RGS7: variants seen among roughly 807,000 people sequenced by gnomAD.
RGS7 encodes the protein regulator of G-protein signaling 7.
RGS7 carries 27 observed loss-of-function variants against 81.1 expected under a neutral mutation model. That is an observed-to-expected ratio of 0.33 (90% CI 0.25 to 0.46). RGS7 has a LOEUF of 0.46. Ranked by LOEUF, RGS7 falls within the 20% of genes least tolerant of loss-of-function variation. The probability of loss-of-function intolerance (pLI) is 1.00; values close to 1 mark genes in which losing one functional copy is unlikely to be tolerated. For missense variants in RGS7, 396 were observed against 607.4 expected (o/e 0.65, Z 3.66); for synonymous variants, 208 against 207.7 (o/e 1.00, Z -0.01).
intron 3 of RGS7, chr1:240,998,441 G>C (rs1472604620): frequency 1.3e-6 from 1 of 759,160 alleles, no homozygotes; most frequent in African/African-American, 1.8e-5. Flanking sequence ...CATTATAAAA[G>C]AGGTTTCGTC....
chr1:241,237,175 A>G (rs945380073), intron 2 of RGS7, among the ~76,000 whole-genome samples: 1 of 152,244 alleles, frequency 6.6e-6, no homozygotes, highest in Non-Finnish European at 1.5e-5. Context: ...ACTTTTTGCC[A>G]TATTACTAAA....
chr1:241,001,426 A>G (rs897091785), intron 3 of RGS7, among the ~76,000 whole-genome samples: 2 of 152,224 alleles, frequency 1.3e-5, no homozygotes, highest in African/African-American at 4.8e-5. Context: ...ATAGTAAAAT[A>G]GTAAGGCTTT....
At chr1:241,205,221 A>T (rs938681328) in intron 2 of RGS7, among the ~76,000 whole-genome samples, 2 of 149,624 alleles carry the variant, frequency 1.3e-5, no homozygotes, top group Non-Finnish European at 3.0e-5. Flanking sequence ...GAATTACACC[A>T]CTATGCACAC....
intron 2 of RGS7, among the ~76,000 whole-genome samples, chr1:241,235,938 C>A (rs369924258): frequency 6.4e-5 from 5 of 77,678 alleles, no homozygotes; most frequent in Non-Finnish European, 1.2e-4. Context: ...GAGAGAAAGA[C>A]AGACAGAGAC....
At chr1:241,272,637 A>G (rs925724369) in intron 2 of RGS7, among the ~76,000 whole-genome samples, 2 of 152,006 alleles carry the variant, frequency 1.3e-5, no homozygotes, top group Non-Finnish European at 2.9e-5. Flanking sequence ...ATCTCTCCAA[A>G]TATTTCTTTC....
chr1:241,142,692 G>C (rs962527224), intron 2 of RGS7, among the ~76,000 whole-genome samples: 2 of 152,172 alleles, frequency 1.3e-5, no homozygotes, highest in Non-Finnish European at 2.9e-5. Flanking sequence ...GATGGGAAGG[G>C]CTGCCGTGAA....
At chr1:240,903,344 A>C (rs545276908) in intron 6 of RGS7, among the ~76,000 whole-genome samples, 1 of 152,182 alleles carries the variant, frequency 6.6e-6, no homozygotes, top group Admixed American at 6.5e-5. Flanking sequence ...ATGAAGGAAC[A>C]GAATTTTTAA....
At chr1:241,132,816 G>A (rs1248486850) in intron 2 of RGS7, among the ~76,000 whole-genome samples, 1 of 152,178 alleles carries the variant, frequency 6.6e-6, no homozygotes, top group Non-Finnish European at 1.5e-5. Context: ...AGGCTGGAGT[G>A]CAGTGGCACA....
intron 2 of RGS7, among the ~76,000 whole-genome samples, chr1:241,330,001 G>A (rs993145413): frequency 4.6e-5 from 7 of 151,938 alleles, no homozygotes; most frequent in African/African-American, 1.2e-4. Context: ...AGTGGGTGGC[G>A]CAATCTTGGC....
chr1:240,973,598 CT>C (rs1683600678), intron 4 of RGS7, among the ~76,000 whole-genome samples: 5 of 151,714 alleles, frequency 3.3e-5, no homozygotes, highest in Admixed American at 3.3e-4. Context: ...CAGAGACATT[CT>C]TTTTTTTGGA....
At chr1:241,128,234 G>A (rs971627599) in intron 2 of RGS7, among the ~76,000 whole-genome samples, 8 of 148,442 alleles carry the variant, frequency 5.4e-5, no homozygotes, top group Non-Finnish European at 7.4e-5. Flanking sequence ...CCGAGATTGC[G>A]CCACTGCACT....
At chr1:241,078,136 G>A (rs1377324491) in intron 3 of RGS7, among the ~76,000 whole-genome samples, 1 of 148,854 alleles carries the variant, frequency 6.7e-6, no homozygotes, top group East Asian at 1.9e-4. Context: ...TGTTGTGTAT[G>A]CATCTATGGG....
intron 2 of RGS7, among the ~76,000 whole-genome samples, chr1:241,191,638 T>G (rs770600956): frequency 6.6e-6 from 1 of 152,234 alleles, no homozygotes; most frequent in Non-Finnish European, 1.5e-5. Context: ...GAGAGGTATC[T>G]TCTACTCTTT....
chr1:241,247,701 T>TA (rs538409802), intron 2 of RGS7, among the ~76,000 whole-genome samples: 216 of 144,646 alleles, frequency 1.5e-3, no homozygotes, highest in African/African-American at 4.4e-3. Flanking sequence ...TTTTCTCAAC[T>TA]AAAAAAAAAA....
intron 2 of RGS7, among the ~76,000 whole-genome samples, chr1:241,298,314 C>A (rs891468237): frequency 2.0e-5 from 3 of 152,136 alleles, no homozygotes; most frequent in Admixed American, 2.0e-4. Flanking sequence ...TAATTAGAAG[C>A]TAGGAGGAGA....
chr1:241,080,286 G>GAAA (rs76494616), intron 3 of RGS7, among the ~76,000 whole-genome samples: 1 of 140,176 alleles, frequency 7.1e-6, no homozygotes. Flanking sequence ...GTGAGGAATA[G>GAAA]AAAAAAAAAA....
chr1:240,789,521 A>G (rs1321655518), intron 18 of RGS7, among the ~76,000 whole-genome samples: 2 of 152,354 alleles, frequency 1.3e-5, no homozygotes, highest in East Asian at 3.9e-4. Context: ...CTCAGCAAGG[A>G]ACATCCCTGA....
intron 3 of RGS7, among the ~76,000 whole-genome samples, chr1:241,077,794 C>CA (rs1442064211): frequency 2.0e-5 from 3 of 151,958 alleles, no homozygotes; most frequent in African/African-American, 4.8e-5. Flanking sequence ...ATTGAGTCTC[C>CA]AAAAAAAGAA....
intron 9 of RGS7, among the ~76,000 whole-genome samples, chr1:240,847,332 AT>A (rs1659276329): frequency 6.6e-6 from 1 of 150,676 alleles, no homozygotes; most frequent in Admixed American, 6.6e-5. Context: ...GTAAGTATTT[AT>A]TTTTCCCATT....
Sources: allele counts gnomAD v4.1 joint callset (sites outside exome capture counted in the v4.1 genomes callset), GRCh38; gene constraint gnomAD v4.1.1; transcripts MANE v1.5; gene names NCBI Gene and HGNC (gene_info 2026-07-23, HGNC 2026-07-21).